The following STXBP5 variants were observed in gnomAD, a reference collection of about 807,000 sequenced individuals.
STXBP5 encodes syntaxin binding protein 5.
Under a neutral mutation model 152.4 loss-of-function variants are expected in STXBP5, and 50 were observed. The observed-to-expected ratio is 0.33, with a 90% CI of 0.26 to 0.42. STXBP5 has a LOEUF of 0.42. STXBP5 is among the 10% of genes least tolerant of loss of function. The pLI is 1.00. For synonymous variants in STXBP5, 492 were observed against 494.7 expected (o/e 0.99, Z 0.07); for missense variants, 1,167 against 1,388.6 (o/e 0.84, Z 2.54).
At chr6:147,357,488 G>A (rs975487148) in intron 22 of STXBP5, among the ~76,000 whole-genome samples, 6 of 152,116 alleles carry the variant, frequency 3.9e-5, no homozygotes, top group Non-Finnish European at 8.8e-5. Context: ...TTATAAGCAT[G>A]ATTAAAAAGG....
At chr6:147,373,941 CTT>C (rs1394156816) in intron 26 of STXBP5, 99 bp downstream of exon 26, 4 of 675,478 alleles carry the variant, frequency 5.9e-6, no homozygotes, top group Admixed American at 5.8e-5. Flanking sequence ...CTTTTTTTCT[CTT>C]TGTCACAATT....
Position 147,204,749 on chromosome 6 carries a change from C to G in STXBP5, c.150+67C>G. 6.9e-7 allele frequency: 1 copy of G among 1,457,064 alleles called. No individual in the cohort carries two copies. Among genetic ancestry groups the G allele is most frequent in the Non-Finnish European group, 9.1e-7 (1 of 1,094,458 alleles). The allele number at this position is 1,457,064 out of a possible 1,614,324, so 90.3% of individuals were successfully genotyped here. ...TTGGGGTTGTTTTAAGGGGGCTACT[C>G]GGGCTTTACATGGGAATGCAAGGGA... is the stretch of plus-strand genomic sequence containing the variant. On this transcript the variant is annotated intron_variant, in intron 1 of 27. Coordinates refer to ENST00000321680, the MANE Select transcript of STXBP5 (RefSeq NM_001127715.4). This position sits in a 1 kb window ranked among gnomAD's most constrained non-coding sequence, Gnocchi z 4.3.
chr6:147,263,436 C>T (rs1413239560), intron 6 of STXBP5, among the ~76,000 whole-genome samples: 1 of 150,810 alleles, frequency 6.6e-6, no homozygotes, highest in Non-Finnish European at 1.5e-5. Flanking sequence ...AAGTGATCCT[C>T]CTGCCTTGTA....
At chr6:147,239,069 AG>A (rs1778412224) in intron 3 of STXBP5, 100 bp from the exon 4 acceptor site, 1 of 1,024,500 alleles carries the variant, frequency 9.8e-7, no homozygotes, top group African/African-American at 1.6e-5. Context: ...GTTGGCAGAA[AG>A]TTTTGAAATT....
At chr6:147,216,211 G>A (rs1250139782) in intron 2 of STXBP5, among the ~76,000 whole-genome samples, 3 of 152,110 alleles carry the variant, frequency 2.0e-5, no homozygotes, top group African/African-American at 4.8e-5. Flanking sequence ...GACCAACATG[G>A]TGAAACCCCG....
chr6:147,255,528 G>GTTT (rs869159408), intron 4 of STXBP5, among the ~76,000 whole-genome samples: 2 of 144,582 alleles, frequency 1.4e-5, no homozygotes, highest in South Asian at 2.2e-4. Flanking sequence ...TGTTGTTGTT[G>GTTT]TTTTTTGTTT....
intron 8 of STXBP5, among the ~76,000 whole-genome samples, chr6:147,278,620 C>G (rs1266971045): frequency 1.3e-5 from 2 of 151,970 alleles, no homozygotes; most frequent in Non-Finnish European, 2.9e-5. Flanking sequence ...TTTTATATAT[C>G]AAAATATGGT....
intron 27 of STXBP5, 140 bp downstream of exon 27, chr6:147,383,138 G>T: frequency 1.1e-6 from 1 of 946,380 alleles, no homozygotes; most frequent in Admixed American, 2.5e-5. Flanking sequence ...CCTGATTTTT[G>T]CCACCAGAGG....
At chr6:147,300,711 T>C (rs1439104586) in intron 9 of STXBP5, among the ~76,000 whole-genome samples, 2 of 152,002 alleles carry the variant, frequency 1.3e-5, no homozygotes, top group African/African-American at 4.8e-5. Flanking sequence ...ACTGGAAGAA[T>C]ACATGGGAAA....
intron 10 of STXBP5, among the ~76,000 whole-genome samples, chr6:147,310,791 G>T (rs1782333944): frequency 6.6e-6 from 1 of 152,120 alleles, no homozygotes; most frequent in Non-Finnish European, 1.5e-5. Context: ...ACTGAATGAG[G>T]CCCATTCGTT....
intron 19 of STXBP5, 60 bp downstream of exon 19, chr6:147,334,282 A>G: frequency 6.8e-7 from 1 of 1,469,182 alleles, no homozygotes. Context: ...AAGATAGCAT[A>G]CTAGTGTACA....
intron 21 of STXBP5, among the ~76,000 whole-genome samples, chr6:147,340,284 T>G (rs2128398196): frequency 6.6e-6 from 1 of 152,220 alleles, no homozygotes; most frequent in Non-Finnish European, 1.5e-5. Context: ...TTCTTAGAAG[T>G]AACATCCATG....
intron 26 of STXBP5, among the ~76,000 whole-genome samples, chr6:147,379,107 G>GAAAAAA (rs34796123): frequency 6.7e-6 from 1 of 148,660 alleles, no homozygotes; most frequent in Non-Finnish European, 1.5e-5. Flanking sequence ...CCCACAGCTG[G>GAAAAAA]AAAAAAAAAA....
At chr6:147,277,653 C>G (rs768573251) in intron 7 of STXBP5, among the ~76,000 whole-genome samples, 26 of 152,184 alleles carry the variant, frequency 1.7e-4, no homozygotes, top group Non-Finnish European at 3.7e-4. Flanking sequence ...AATTCCAAAT[C>G]TACATTTTGG....
intron 7 of STXBP5, among the ~76,000 whole-genome samples, 169 bp downstream of exon 7, chr6:147,267,336 A>G (rs976208642): frequency 4.6e-5 from 7 of 152,176 alleles, no homozygotes; most frequent in Non-Finnish European, 8.8e-5. Context: ...GATAACAAAA[A>G]TCTTCTTCCC....
At chr6:147,271,967 G>C (rs540535349) in intron 7 of STXBP5, among the ~76,000 whole-genome samples, 1 of 152,224 alleles carries the variant, frequency 6.6e-6, no homozygotes, top group East Asian at 1.9e-4. Flanking sequence ...CAGAGGGGCT[G>C]ATAAGGAAAT....
intron 8 of STXBP5, among the ~76,000 whole-genome samples, chr6:147,288,439 A>G (rs1781105846): frequency 6.6e-6 from 1 of 152,208 alleles, no homozygotes; most frequent in South Asian, 2.1e-4. Context: ...CCTTAAAAAT[A>G]CCACAGTCCC....
At chr6:147,326,110 C>T (rs1455857654) in intron 17 of STXBP5, among the ~76,000 whole-genome samples, 1 of 152,012 alleles carries the variant, frequency 6.6e-6, no homozygotes, top group African/African-American at 2.4e-5. Flanking sequence ...CTGAAGAAAC[C>T]AAGGGACAAC....
rs1782446087 is a variant in STXBP5 at position 147,312,693 on chromosome 6, C to G, written c.1145+1166C>G. Among the ~76,000 whole-genome samples, 5 of 152,148 alleles carry G rather than the reference C, an allele frequency of 3.3e-5. No individual in the cohort carries two copies. In the South Asian group the frequency reaches 1.0e-3, roughly 31 times the overall value. The stretch of plus-strand genomic sequence containing the variant: ...TGAATTAGGTGAACAGTATCATTTA[C>G]CTGATGTTTAGGCAATTCTAAATTT... On this transcript the variant is annotated intron_variant, in intron 11 of 27. Transcript: ENST00000321680.
Sources: allele counts gnomAD v4.1 joint callset (sites outside exome capture counted in the v4.1 genomes callset), GRCh38; gene constraint gnomAD v4.1.1; non-coding constraint Gnocchi (gnomAD v3.1); transcripts MANE v1.5; gene names NCBI Gene and HGNC (gene_info 2026-07-23, HGNC 2026-07-21).